PIEZO2: variants seen among roughly 807,000 people sequenced by gnomAD.
PIEZO2 encodes piezo-type mechanosensitive ion channel component 2.
PIEZO2 carries 172 observed loss-of-function variants against 337.3 expected under a neutral mutation model. The observed-to-expected ratio is 0.51, with a 90% CI of 0.45 to 0.58. The LOEUF (loss-of-function observed/expected upper bound fraction) is 0.58, where lower values mean the gene tolerates loss of function less well. PIEZO2 is among the 20% of genes least tolerant of loss of function. The pLI is 0.00. For missense variants in PIEZO2, 3,028 were observed against 3,391.3 expected (o/e 0.89, Z 2.66); for synonymous variants, 1,251 against 1,228.5 (o/e 1.02, Z -0.38).
At chr18:10,958,206 G>T (rs930565607) in intron 3 of PIEZO2, among the ~76,000 whole-genome samples, 2 of 152,142 alleles carry the variant, frequency 1.3e-5, no homozygotes, top group African/African-American at 2.4e-5. Context: ...TCTTTAAAAA[G>T]AGAATAATTT....
At chr18:10,681,147 C>T (rs908028445) in intron 51 of PIEZO2, among the ~76,000 whole-genome samples, 3 of 152,116 alleles carry the variant, frequency 2.0e-5, no homozygotes, top group South Asian at 4.1e-4. Flanking sequence ...CAACATGGCA[C>T]GTAAATAAAA....
At chr18:10,964,612 A>T (rs1297716502) in intron 3 of PIEZO2, among the ~76,000 whole-genome samples, 1 of 152,306 alleles carries the variant, frequency 6.6e-6, no homozygotes, top group Non-Finnish European at 1.5e-5. Context: ...CAAACAATTA[A>T]CCATTTGAAA....
At chr18:10,906,783 A>G (rs574738899) in intron 4 of PIEZO2, among the ~76,000 whole-genome samples, 1 of 151,790 alleles carries the variant, frequency 6.6e-6, no homozygotes, top group South Asian at 2.1e-4. Context: ...CTGGTCTCGA[A>G]CTCCTGAGCT....
chr18:10,774,058 TAGAA>T lies in PIEZO2; in HGVS notation c.2535-24_2535-21del. ...TTGATGCTGCTCATAGTAATTGAAATAGAAAGGAAAAAAAGGAGATGAGAACAGA... is the reference window on the plus strand; with the variant it reads ...TTGATGCTGCTCATAGTAATTGAAATAGGAAAAAAAGGAGATGAGAACAGA... On this transcript the variant is annotated intron_variant, in intron 18 of 55. Transcript: ENST00000674853. 1 of 701,534 alleles carries T rather than the reference TAGAA, an allele frequency of 1.4e-6. No individual in the cohort carries two copies. Among genetic ancestry groups the T allele is most frequent in the African/African-American group, 1.8e-5 (1 of 57,112 alleles). 43.5% of individuals were successfully genotyped at this position (701,534 alleles called of 1,614,324 possible).
chr18:10,781,557 C>T lies in PIEZO2; in HGVS notation c.2493-1191G>A, dbSNP rs545769559. Among the ~76,000 whole-genome samples the T allele has an allele frequency of 9.9e-5, 15 of 151,644 alleles. No individual in the cohort carries two copies. The East Asian group carries it at 1.2e-3, about 12-fold the overall frequency. On this transcript the variant is annotated intron_variant, in intron 17 of 55. Coordinates refer to ENST00000674853, the MANE Select transcript of PIEZO2 (RefSeq NM_001378183.1). The surrounding 1 kb of genome is among the most constrained non-coding windows in gnomAD (Gnocchi z 4.1). ...ATATTATATAATAAACAATGTTATACGTTATAATTCTTATAATATGAAATT... is the reference window on the plus strand; with the variant it reads ...ATATTATATAATAAACAATGTTATATGTTATAATTCTTATAATATGAAATT...
intron 40 of PIEZO2, among the ~76,000 whole-genome samples, chr18:10,706,229 G>A (rs1049761182): frequency 3.9e-5 from 6 of 152,142 alleles, no homozygotes; most frequent in Non-Finnish European, 8.8e-5. Context: ...CATAAGGGGG[G>A]AATGGGAATG....
chr18:10,814,522 A>C (rs2040303432), intron 7 of PIEZO2, among the ~76,000 whole-genome samples: 1 of 152,236 alleles, frequency 6.6e-6, no homozygotes, highest in Admixed American at 6.5e-5. Flanking sequence ...GATGCATTTC[A>C]GGAAGTTTGA....
rs1872031 is a variant in PIEZO2 at position 11,009,889 on chromosome 18, G to A, written c.161-30229C>T. 0.54 allele frequency among the ~76,000 whole-genome samples: 81,561 copies of A among 151,842 alleles called. 22,187 individuals carry two copies. Among genetic ancestry groups the A allele is most frequent in the African/African-American group, 0.6 (24,905 of 41,394 alleles). ...ACAAAGAGAAGACAGCCATCTGCGAGCCAAAGAGAGAGGCCTCAGGAGAAA... is the reference window on the plus strand; with the variant it reads ...ACAAAGAGAAGACAGCCATCTGCGAACCAAAGAGAGAGGCCTCAGGAGAAA... On this transcript the variant is annotated intron_variant, in intron 2 of 55. Transcript: ENST00000674853. This position sits in a 1 kb window ranked among gnomAD's most constrained non-coding sequence, Gnocchi z 4.6.
At chr18:10,826,360 A>G (rs1051207189) in intron 7 of PIEZO2, among the ~76,000 whole-genome samples, 1 of 152,238 alleles carries the variant, frequency 6.6e-6, no homozygotes, top group Admixed American at 6.5e-5. Context: ...ATCTGTTATC[A>G]TATTGTTCTA....
intron 3 of PIEZO2, among the ~76,000 whole-genome samples, chr18:10,961,378 T>A (rs1384888126): frequency 7.2e-6 from 1 of 139,194 alleles, no homozygotes; most frequent in Admixed American, 7.2e-5. Flanking sequence ...CGCAAAGGCA[T>A]AAGAATGATA....
chr18:10,749,756 G>A (rs1440399831), intron 29 of PIEZO2, among the ~76,000 whole-genome samples: 1 of 152,182 alleles, frequency 6.6e-6, no homozygotes, highest in Non-Finnish European at 1.5e-5. Context: ...ATTAAGTGGA[G>A]CAACAGCAGG....
chr18:10,877,640 C>T lies in PIEZO2; in HGVS notation c.330-6225G>A, dbSNP rs993511594. Among the ~76,000 whole-genome samples the T allele has an allele frequency of 6.6e-6, 1 of 152,184 alleles. No homozygotes were observed. The highest frequency in any genetic ancestry group is 2.4e-5 in the African/African-American group (1 of 41,450). On this transcript the variant is annotated intron_variant, in intron 4 of 55. Coordinates refer to ENST00000674853, the MANE Select transcript of PIEZO2 (RefSeq NM_001378183.1). This position sits in a 1 kb window ranked among gnomAD's most constrained non-coding sequence, Gnocchi z 5.3. ...TTCTAACGTCTCCTTTCCCAGCCCT[C>T]CCCTTTATCCCCACAGCCCGGTCTG...
At chr18:10,720,419 GTATATATATATATATATATATATATATA>G (rs74177567) in intron 36 of PIEZO2, among the ~76,000 whole-genome samples, 21 of 9,246 alleles carry the variant, frequency 2.3e-3, no homozygotes, top group South Asian at 9.0e-3. Context: ...GTATGTGTAT[GTATATATATATATATATATATATATATA>G]TATATATATA....
At chr18:10,905,165 G>A (rs1315686978) in intron 4 of PIEZO2, among the ~76,000 whole-genome samples, 1 of 152,148 alleles carries the variant, frequency 6.6e-6, no homozygotes, top group Non-Finnish European at 1.5e-5. Flanking sequence ...TGCACATACA[G>A]TCTGAAAGAA....
chr18:10,754,342 A>T (rs1467948938), intron 27 of PIEZO2, among the ~76,000 whole-genome samples: 1 of 152,098 alleles, frequency 6.6e-6, no homozygotes, highest in Non-Finnish European at 1.5e-5. Flanking sequence ...TGCGGAGCTG[A>T]CCCCTGTTGG....
rs986205506 is a variant in PIEZO2 at position 10,750,482 on chromosome 18, A to G, written c.4168-295T>C. On this transcript the variant is annotated intron_variant, in intron 28 of 55. Transcript: ENST00000674853. This position sits in a 1 kb window ranked among gnomAD's most constrained non-coding sequence, Gnocchi z 4.1. ...TGGACGATCATAGAAATAAATCCCA[A>G]CTCTGTGATAATGAATGGGTGTGCA... 6.6e-6 allele frequency among the ~76,000 whole-genome samples: 1 copy of G among 152,150 alleles called. No homozygotes were observed. Among genetic ancestry groups the G allele is most frequent in the Non-Finnish European group, 1.5e-5 (1 of 68,032 alleles).
rs1304673576 is a variant in PIEZO2 at position 10,838,535 on chromosome 18, T to A, written c.917+16818A>T. Among the ~76,000 whole-genome samples, 6 of 152,332 alleles carry A rather than the reference T, an allele frequency of 3.9e-5. No individual in the cohort carries two copies. The East Asian group carries it at 5.8e-4, about 15-fold the overall frequency. On this transcript the variant is annotated intron_variant, in intron 7 of 55. Transcript: ENST00000674853. Reference sequence around the variant, plus strand: ...ATTATGTTTGCAGGATACTGCCTTATAATAAAAAGCAATCTGTTCATAGGA... The same window carrying A: ...ATTATGTTTGCAGGATACTGCCTTAAAATAAAAAGCAATCTGTTCATAGGA...
intron 1 of PIEZO2, among the ~76,000 whole-genome samples, chr18:11,089,969 G>A (rs1326183288): frequency 6.6e-6 from 1 of 152,194 alleles, no homozygotes; most frequent in Non-Finnish European, 1.5e-5. Flanking sequence ...GAGAAGGGAA[G>A]AGCATAAGAG....
intron 1 of PIEZO2, among the ~76,000 whole-genome samples, chr18:11,085,994 G>A (rs1163448570): frequency 6.6e-6 from 1 of 152,102 alleles, no homozygotes; most frequent in African/African-American, 2.4e-5. Flanking sequence ...TTCATTTCCA[G>A]CATCGAGTAC....
Sources: allele counts gnomAD v4.1 joint callset (sites outside exome capture counted in the v4.1 genomes callset), GRCh38; gene constraint gnomAD v4.1.1; non-coding constraint Gnocchi (gnomAD v3.1); transcripts MANE v1.5; gene names NCBI Gene and HGNC (gene_info 2026-07-23, HGNC 2026-07-21).